Variants in ANK1 observed in about 807,000 individuals in gnomAD.
The protein encoded by ANK1 is ankyrin 1, also known as ankyrin-1.
A neutral mutation model predicts 210.4 loss-of-function variants in ANK1; 51 were observed. That is an observed-to-expected ratio of 0.24 (90% CI 0.19 to 0.31). The LOEUF is 0.31. Ranked by LOEUF, ANK1 falls within the 10% of genes least tolerant of loss-of-function variation. The pLI, the probability that ANK1 is intolerant of heterozygous loss-of-function variation, is 1.00. For synonymous variants in ANK1, 967 were observed against 1,025.9 expected, an observed-to-expected ratio of 0.94 and a Z score of 1.10; for missense variants, 2,051 against 2,504.4, an observed-to-expected ratio of 0.82 and a Z score of 3.86.
chr8:41,715,065 T>A lies in ANK1; in HGVS notation c.1612A>T (p.Thr538Ser). The change falls in exon 15 of 43, where the codon ACC becomes TCC. Residue 538 changes from threonine to serine, a missense_variant. By Grantham distance (58) the Thr-to-Ser change is moderately conservative. Coordinates refer to ENST00000289734, the MANE Select transcript of ANK1 (RefSeq NM_000037.4). ...SQACMTKKGF[T>S]PLHVAAKYGK... The stretch of plus-strand genomic sequence containing the variant: ...TACTTGGCCGCCACGTGCAGAGGGG[T>A]AAATCCTTTCTGAGGAGAAACAGGC... 1 of 1,613,996 alleles carries A rather than the reference T, an allele frequency of 6.2e-7. No individual in the cohort carries two copies. Among genetic ancestry groups the A allele is most frequent in the Non-Finnish European group, 8.5e-7 (1 of 1,179,998 alleles).
Position 41,746,293 on chromosome 8 carries a change from G to A in ANK1, c.129+11743C>T, listed in dbSNP as rs1836113873. On this transcript the variant is annotated intron_variant, in intron 2 of 42. Coordinates refer to ENST00000289734, the MANE Select transcript of ANK1 (RefSeq NM_000037.4). ...TCTAAGGAATCAGAAGCCAGGCAGA[G>A]CTGAAGCAACTGCCGTAACCCTAGT... Among the ~76,000 whole-genome samples, 3 of 152,200 alleles carry A rather than the reference G, an allele frequency of 2.0e-5. 1 individual carries two copies. In the South Asian group the frequency reaches 6.2e-4, roughly 31 times the overall value.
intron 1 of ANK1, among the ~76,000 whole-genome samples, chr8:41,864,534 C>T (rs1813961635): frequency 6.6e-6 from 1 of 152,146 alleles, no homozygotes; most frequent in South Asian, 2.1e-4. Context: ...ATCCCCTCAA[C>T]TGATAGCGCA....
intron 1 of ANK1, among the ~76,000 whole-genome samples, chr8:41,766,241 T>C (rs1841755416): frequency 6.6e-6 from 1 of 152,168 alleles, no homozygotes; most frequent in Non-Finnish European, 1.5e-5. Flanking sequence ...CTGCTTGTGC[T>C]TGGGGGATCT....
intron 3 of ANK1, among the ~76,000 whole-genome samples, chr8:41,728,251 G>A (rs1274071197): frequency 6.6e-6 from 1 of 152,208 alleles, no homozygotes; most frequent in Admixed American, 6.5e-5. Context: ...AAAAAAGAAG[G>A]AAATCAGGTC....
chr8:41,772,263 C>T (rs1843106461), intron 1 of ANK1, among the ~76,000 whole-genome samples: 1 of 152,214 alleles, frequency 6.6e-6, no homozygotes, highest in Admixed American at 6.5e-5. Flanking sequence ...TTGAGCTGTG[C>T]AGCTTTTGAT....
At chr8:41,661,311 A>G (rs1808047524) in intron 42 of ANK1, 119 bp downstream of exon 42, 3 of 1,446,456 alleles carry the variant, frequency 2.1e-6, no homozygotes, top group Admixed American at 3.9e-5. Flanking sequence ...TCGAGACACA[A>G]CAACAAGTTG....
upstream of ANK1, among the ~76,000 whole-genome samples, chr8:41,798,605 C>T (rs1472396077): frequency 6.6e-6 from 1 of 152,242 alleles, no homozygotes; most frequent in South Asian, 2.1e-4. Flanking sequence ...TCAGTGAGAA[C>T]ACCATATCCT....
intron 2 of ANK1, among the ~76,000 whole-genome samples, chr8:41,744,536 C>CTTTTTTT (rs3063769): frequency 4.0e-5 from 5 of 125,484 alleles, no homozygotes; most frequent in South Asian, 2.6e-4. Context: ...GATTTCTTTT[C>CTTTTTTT]TTTTTTTTTT....
At chr8:41,864,785 A>G (rs1814028088) in intron 1 of ANK1, among the ~76,000 whole-genome samples, 1 of 152,196 alleles carries the variant, frequency 6.6e-6, no homozygotes, top group Admixed American at 6.5e-5. Flanking sequence ...AGCATCCAGA[A>G]CCGAAGAAAC....
rs183987661 is a variant in ANK1 at position 41,699,631 on chromosome 8, G to A, written c.2462-83C>T. The A allele has an allele frequency of 6.5e-3, 8,350 of 1,293,042 alleles. 46 individuals carry two copies. Among genetic ancestry groups the A allele is most frequent in the Non-Finnish European group, 8.0e-3 (7,185 of 898,604 alleles). 80.1% of individuals were successfully genotyped at this position (1,293,042 alleles called of 1,614,324 possible). On this transcript the variant is annotated intron_variant, in intron 22 of 42. Coordinates refer to ENST00000289734, the MANE Select transcript of ANK1 (RefSeq NM_000037.4). ...TTTAAAAAAGCTCTGTTCCCGCTCC[G>A]CCTCTGGGGGCTTGCTCCTGAGGAG...
At chr8:41,846,060 C>A (rs1304005458) in intron 1 of ANK1, among the ~76,000 whole-genome samples, 1 of 152,210 alleles carries the variant, frequency 6.6e-6, no homozygotes, top group Non-Finnish European at 1.5e-5. Flanking sequence ...CAATGATGGA[C>A]CAGCCAGGAG....
At chr8:41,705,734 G>A (rs767153132) in intron 18 of ANK1, among the ~76,000 whole-genome samples, 30 of 152,284 alleles carry the variant, frequency 2.0e-4, no homozygotes, top group Non-Finnish European at 3.7e-4. Flanking sequence ...ACACCTCGAC[G>A]GCAGATTCCA....
intron 1 of ANK1, among the ~76,000 whole-genome samples, chr8:41,847,463 C>T (rs970754282): frequency 5.9e-5 from 9 of 152,160 alleles, no homozygotes; most frequent in Non-Finnish European, 8.8e-5. Flanking sequence ...GAGAGGAAAA[C>T]GCAGGTAAGC....
At chr8:41,681,353 T>C (rs12544752) in intron 37 of ANK1, among the ~76,000 whole-genome samples, 26,303 of 152,314 alleles carry the variant, frequency 0.17, 2,814 homozygotes, top group Middle Eastern at 0.35. Context: ...TTTGGATCTA[T>C]AGGCCATGCT....
chr8:41,726,714 T>C (rs1344735866), intron 5 of ANK1, among the ~76,000 whole-genome samples: 1 of 152,208 alleles, frequency 6.6e-6, no homozygotes, highest in Non-Finnish European at 1.5e-5. Flanking sequence ...ATTCCCTCAG[T>C]TGTGGACATA....
Position 41,704,568 on chromosome 8 carries a change from A to T in ANK1, c.2098-96T>A. ...CAGCTGATTCAAAGAGAGAACGGACAGGGAGCCCCTTGAAGGCTGACATTG... is the reference window on the plus strand; with the variant it reads ...CAGCTGATTCAAAGAGAGAACGGACTGGGAGCCCCTTGAAGGCTGACATTG... On this transcript the variant is annotated intron_variant, in intron 18 of 42. Transcript: ENST00000289734. The surrounding 1 kb of genome is among the most constrained non-coding windows in gnomAD (Gnocchi z 4.1). The T allele has an allele frequency of 1.8e-6, 2 of 1,100,522 alleles. No homozygotes were observed. Among genetic ancestry groups the T allele is most frequent in the South Asian group, 2.5e-5 (2 of 78,658 alleles). The allele number at this position is 1,100,522 out of a possible 1,614,324, so 68.2% of individuals were successfully genotyped here.
intron 42 of ANK1, chr8:41,661,213 A>G (rs1808012072): frequency 3.0e-6 from 2 of 660,866 alleles, no homozygotes; most frequent in South Asian, 3.7e-5. Context: ...GTCCCTGATA[A>G]GTGGATATTA....
intron 1 of ANK1, among the ~76,000 whole-genome samples, chr8:41,870,300 C>T (rs1815230564): frequency 6.6e-6 from 1 of 152,118 alleles, no homozygotes; most frequent in Non-Finnish European, 1.5e-5. Context: ...TTTCAATGGG[C>T]ACAGTCTTTT....
intron 2 of ANK1, among the ~76,000 whole-genome samples, chr8:41,755,465 T>A (rs1381450067): frequency 6.6e-6 from 1 of 152,198 alleles, no homozygotes; most frequent in East Asian, 1.9e-4. Context: ...GTGATTCACC[T>A]CCGCTGAGAA....
Sources: allele counts gnomAD v4.1 joint callset (sites outside exome capture counted in the v4.1 genomes callset), GRCh38; gene constraint gnomAD v4.1.1; non-coding constraint Gnocchi (gnomAD v3.1); transcripts MANE v1.5; gene names NCBI Gene and HGNC (gene_info 2026-07-23, HGNC 2026-07-21).